The following MUC13 variants were observed in gnomAD, a reference collection of about 807,000 sequenced individuals.
MUC13 encodes mucin 13, cell surface associated.
Under a neutral mutation model 48.3 loss-of-function variants are expected in MUC13, and 32 were observed. The ratio of observed to expected loss-of-function variants is 0.66; its 90% CI spans 0.50 to 0.89. The LOEUF is 0.89. Among genes scored for constraint, MUC13 ranks in the 40% least tolerant of loss-of-function variants. MUC13 has a pLI of 0.00. For missense variants in MUC13, 571 were observed against 622.8 expected (o/e 0.92, Z 0.88); for synonymous variants, 199 against 224.9 (o/e 0.88, Z 1.03).
At chr3:124,910,315 C>A in intron 10 of MUC13, 100 bp downstream of exon 10, 1 of 1,484,444 alleles carries the variant, frequency 6.7e-7, no homozygotes, top group Non-Finnish European at 9.0e-7. Context: ...GGGAGGATGG[C>A]TTGAGTTCAG....
At chr3:124,915,712 G>C (rs1935501193) in intron 6 of MUC13, among the ~76,000 whole-genome samples, 1 of 152,196 alleles carries the variant, frequency 6.6e-6, no homozygotes, top group Non-Finnish European at 1.5e-5. Flanking sequence ...GTAATGCTTG[G>C]TCTTGCTCTA....
At chr3:124,907,826 A>G (rs7430813) in intron 11 of MUC13, among the ~76,000 whole-genome samples, 24,086 of 152,026 alleles carry the variant, frequency 0.16, 2,241 homozygotes, top group South Asian at 0.22. Flanking sequence ...GAGAAGTGTC[A>G]TCATCATAAT....
intron 5 of MUC13, among the ~76,000 whole-genome samples, chr3:124,919,880 C>G (rs546016863): frequency 1.3e-5 from 2 of 152,308 alleles, no homozygotes; most frequent in South Asian, 4.2e-4. Flanking sequence ...CAGTCTCCCC[C>G]CGGCCCACTG....
At chr3:124,919,497 A>G (rs1160963169) in intron 5 of MUC13, among the ~76,000 whole-genome samples, 1 of 151,990 alleles carries the variant, frequency 6.6e-6, no homozygotes, top group Non-Finnish European at 1.5e-5. Flanking sequence ...GCCTTCACAA[A>G]GGATTTGATA....
Position 124,908,395 on chromosome 3 carries a change from C to A in MUC13, c.1338-47G>T, listed in dbSNP as rs564504569. 8 of 1,432,758 alleles carry A rather than the reference C, an allele frequency of 5.6e-6. No individual in the cohort carries two copies. The South Asian group carries it at 8.4e-5, about 15-fold the overall frequency. The allele number at this position is 1,432,758 out of a possible 1,614,324, so 88.8% of individuals were successfully genotyped here. On this transcript the variant is annotated intron_variant, in intron 10 of 11. Transcript: ENST00000616727. ...AGGATTTGACAATGGCAGAAAGTTTCTTGAAGTAAATGTTAATGTTCTTTT... is the reference window on the plus strand; with the variant it reads ...AGGATTTGACAATGGCAGAAAGTTTATTGAAGTAAATGTTAATGTTCTTTT...
At chr3:124,907,274 TA>T (rs984827011) in intron 11 of MUC13, among the ~76,000 whole-genome samples, 5 of 152,178 alleles carry the variant, frequency 3.3e-5, no homozygotes, top group African/African-American at 1.2e-4. Context: ...CCCAAAGTGC[TA>T]GGAGTATGGG....
At chr3:124,929,563 A>G (rs1935758634) in intron 1 of MUC13, among the ~76,000 whole-genome samples, 1 of 152,222 alleles carries the variant, frequency 6.6e-6, no homozygotes, top group South Asian at 2.1e-4. Flanking sequence ...TAACATAGCC[A>G]TTCAGAAGTG....
chr3:124,932,386 T>C (rs1935813291), intron 1 of MUC13, among the ~76,000 whole-genome samples: 1 of 151,970 alleles, frequency 6.6e-6, no homozygotes, highest in South Asian at 2.1e-4. Context: ...GCCAACATGG[T>C]GAAACCCCAT....
intron 4 of MUC13, among the ~76,000 whole-genome samples, chr3:124,920,975 C>T (rs543596396): frequency 4.6e-5 from 7 of 152,242 alleles, no homozygotes; most frequent in Non-Finnish European, 1.0e-4. Context: ...CTAGCGTTGT[C>T]ACGTACTGGC....
chr3:124,928,287 AAC>A (rs1194292760), intron 1 of MUC13, among the ~76,000 whole-genome samples: 1 of 152,174 alleles, frequency 6.6e-6, no homozygotes, highest in Non-Finnish European at 1.5e-5. Flanking sequence ...GTTATTTCTA[AAC>A]ACAAAAAACC....
chr3:124,909,050 A>C (rs193140769), intron 10 of MUC13, among the ~76,000 whole-genome samples: 3 of 152,210 alleles, frequency 2.0e-5, no homozygotes, highest in Admixed American at 2.0e-4. Flanking sequence ...GCTACTCGGG[A>C]GGCCGAGGCG....
In MUC13 at chr3:124,916,476, A is replaced by G. The variant is rs147197068; in HGVS notation, c.805T>C (p.Ser269Pro). 2.8e-4 allele frequency: 443 copies of G among 1,609,448 alleles called. 2 individuals carry two copies. In the African/African-American group the frequency reaches 5.5e-3, roughly 20 times the overall value. ...GQTVILTVST[S>P]LSPRSEMRAD... ...CGCATTTCAGATCTTGGTGACAGAG[A>G]TGTGCTAAAAATGAGATGAATCTGT... Residue 269 changes from serine (S) to proline (P), a missense_variant, in exon 6 of 12, where the codon TCT becomes CCT. Coordinates refer to ENST00000616727, the MANE Select transcript of MUC13 (RefSeq NM_033049.4).
intron 3 of MUC13, 100 bp downstream of exon 3, chr3:124,923,427 C>G (rs1234214445): frequency 1.5e-6 from 2 of 1,309,592 alleles, no homozygotes; most frequent in Non-Finnish European, 2.1e-6. Context: ...TTCTTTATCT[C>G]TCATATTTTG....
At position 124,934,663 on chromosome 3, in the gene MUC13, G is replaced by A; in HGVS notation, c.50C>T (p.Thr17Ile). The change falls in exon 1 of 12, where the codon ACA becomes ATA. Residue 17 changes from threonine (T) to isoleucine (I), a missense_variant and splice_region_variant. Physicochemically the swap from Thr to Ile is moderately conservative, Grantham distance 89 (BLOSUM62 -1). Transcript: ENST00000616727. ...LTLLALLSVN[T>I]ATNQGNSADA... is the part of the protein sequence containing the mutation. ...TAAAATGTAAAAATATTCCTTACCT[G>A]TGTTTACAGAAAGGAGAGCAAGAAG... 1.9e-6 allele frequency: 3 copies of A among 1,602,338 alleles called. No homozygotes were observed. The highest frequency in any genetic ancestry group is 1.7e-6 in the Non-Finnish European group (2 of 1,169,466).
intron 3 of MUC13, 70 bp from the exon 4 acceptor site, chr3:124,922,373 A>G (rs2107671507): frequency 3.3e-6 from 5 of 1,533,446 alleles, no homozygotes; most frequent in East Asian, 2.3e-5. Context: ...GTTTTAAAAC[A>G]TAGATTATTT....
chr3:124,912,974 A>G, intron 8 of MUC13, 137 bp downstream of exon 8: 1 of 826,548 alleles, frequency 1.2e-6, no homozygotes, highest in Non-Finnish European at 1.8e-6. Flanking sequence ...GATGATGACA[A>G]TGATGAGGAT....
At chr3:124,911,621 G>T (rs1456927849) in intron 9 of MUC13, among the ~76,000 whole-genome samples, 1 of 151,996 alleles carries the variant, frequency 6.6e-6, no homozygotes, top group Non-Finnish European at 1.5e-5. Flanking sequence ...TGGTGGGGGT[G>T]GGGCATGGGA....
At chr3:124,910,262 G>A (rs1359264101) in intron 10 of MUC13, among the ~76,000 whole-genome samples, 153 bp downstream of exon 10, 1 of 152,144 alleles carries the variant, frequency 6.6e-6, no homozygotes, top group East Asian at 1.9e-4. Context: ...TGGCAGGTGT[G>A]ATGGCTCATG....
rs1266300552 is a variant in MUC13 at position 124,920,425 on chromosome 3, G to T, written c.745-136C>A. The stretch of plus-strand genomic sequence containing the variant: ...CCAACTGGGTAGAAAATGGACCCTG[G>T]GAGACTTCTTAGGGTCTGAGCTGGG... On this transcript the variant is annotated intron_variant, in intron 4 of 11. Coordinates refer to ENST00000616727, the MANE Select transcript of MUC13 (RefSeq NM_033049.4). The T allele has an allele frequency of 5.9e-5, 40 of 676,738 alleles. No individual in the cohort carries two copies. The Admixed American group carries it at 1.0e-3, about 18-fold the overall frequency. 41.9% of individuals were successfully genotyped at this position (676,738 alleles called of 1,614,324 possible). A position where few individuals can be genotyped will look rare whatever the true frequency, so the allele number is the denominator to read the frequency against.
Sources: allele counts gnomAD v4.1 joint callset (sites outside exome capture counted in the v4.1 genomes callset), GRCh38; gene constraint gnomAD v4.1.1; transcripts MANE v1.5; gene names NCBI Gene and HGNC (gene_info 2026-07-23, HGNC 2026-07-21).